DPP6: variants seen among roughly 807,000 people sequenced by gnomAD.
DPP6 encodes the protein A-type potassium channel modulatory protein DPP6.
DPP6 carries 69 observed loss-of-function variants against 122.6 expected under a neutral mutation model. That is an observed-to-expected ratio of 0.56 (90% confidence interval 0.46 to 0.69). DPP6 has a LOEUF of 0.69. DPP6 is among the 30% of genes least tolerant of loss of function. DPP6 has a pLI of 0.00. For missense variants in DPP6, 928 were observed against 1,116.9 expected (o/e 0.83, Z 2.41); for synonymous variants, 418 against 433.1 (o/e 0.97, Z 0.43).
intron 1 of DPP6, chr7:154,092,254 A>G (rs1804907188): frequency 6.6e-6 from 1 of 152,202 alleles, no homozygotes; most frequent in Non-Finnish European, 1.5e-5. Flanking sequence ...TTACCAATAA[A>G]AAGAGCATTT....
intron 1 of DPP6, among the ~76,000 whole-genome samples, chr7:154,206,527 C>T (rs556436690): frequency 6.6e-5 from 10 of 152,346 alleles, no homozygotes; most frequent in Admixed American, 1.3e-4. Flanking sequence ...ACTCTCCCAA[C>T]GTGTCCAAGC....
At chr7:153,791,952 A>G in the DPP6 span, among the ~76,000 whole-genome samples, 3 of 152,362 alleles carry the variant, frequency 2.0e-5, no homozygotes, top group South Asian at 6.2e-4. Flanking sequence ...TCTGTTTACC[A>G]GGAAAATTCT....
At chr7:154,160,958 C>A (rs976502427) in intron 1 of DPP6, among the ~76,000 whole-genome samples, 14 of 152,162 alleles carry the variant, frequency 9.2e-5, no homozygotes, top group African/African-American at 3.4e-4. Flanking sequence ...TAATTAAGTG[C>A]CTACAATTCC....
chr7:154,801,211 CTCA>C lies in DPP6; in HGVS notation c.1300-140_1300-138del, dbSNP rs1448048888. The C allele has an allele frequency of 2.6e-6, 3 of 1,165,078 alleles. No homozygotes were observed. In the African/African-American group the frequency reaches 4.6e-5, roughly 18 times the overall value. The allele number at this position is 1,165,078 out of a possible 1,614,324, so 72.2% of individuals were successfully genotyped here. ...CATGATTCCCGAGGAAAGTGACGGC[CTCA>C]TCAAGCACTTATTATTTCAACTGTT... On this transcript the variant is annotated intron_variant, in intron 12 of 25. Transcript: ENST00000377770.
At chr7:153,988,054 C>G (rs1796935957) in intron 1 of DPP6, among the ~76,000 whole-genome samples, 1 of 152,198 alleles carries the variant, frequency 6.6e-6, no homozygotes, top group Non-Finnish European at 1.5e-5. Context: ...AGCTGCTCAG[C>G]AACTGCTCTC....
intron 1 of DPP6, among the ~76,000 whole-genome samples, chr7:154,409,143 A>G (rs1429779404): frequency 1.3e-5 from 2 of 152,142 alleles, no homozygotes; most frequent in Admixed American, 6.5e-5. Flanking sequence ...GACCCTGCCA[A>G]TTTATATGTT....
the DPP6 span, among the ~76,000 whole-genome samples, chr7:153,765,886 A>T: frequency 6.6e-6 from 1 of 152,170 alleles, no homozygotes; most frequent in Non-Finnish European, 1.5e-5. Context: ...CCCTGTTGCA[A>T]TGCTTCTTCT....
chr7:154,625,984 G>A (rs897444157), intron 5 of DPP6, among the ~76,000 whole-genome samples: 1 of 152,146 alleles, frequency 6.6e-6, no homozygotes. Context: ...AAATACAAAG[G>A]CAGTAAAGTA....
At chr7:154,476,112 A>AG in intron 3 of DPP6, among the ~76,000 whole-genome samples, 2 of 152,224 alleles carry the variant, frequency 1.3e-5, no homozygotes, top group African/African-American at 4.8e-5. Context: ...CTTGGCTGTT[A>AG]GTCTCCTGCT....
Position 154,842,738 on chromosome 7 carries a change from T to C in DPP6, c.1667-11042T>C, listed in dbSNP as rs145640985. On this transcript the variant is annotated intron_variant, in intron 16 of 25. Coordinates refer to ENST00000377770, the MANE Select transcript of DPP6 (RefSeq NM_130797.4). ...AGATATTGAACTTGAGCCAAAATAG[T>C]GTGTGTCACCAACCAAAGTTTTTAA... Among the ~76,000 whole-genome samples the C allele has an allele frequency of 2.6e-3, 390 of 152,364 alleles. 5 individuals are homozygous for C. Among genetic ancestry groups the C allele is most frequent in the African/African-American group, 9.1e-3 (377 of 41,590 alleles).
chr7:154,550,071 A>G (rs1674588209), intron 4 of DPP6, among the ~76,000 whole-genome samples: 1 of 152,188 alleles, frequency 6.6e-6, no homozygotes. Context: ...ACATAACTTT[A>G]AGATTGAAAA....
At chr7:154,434,227 G>A (rs1818676461) in intron 1 of DPP6, among the ~76,000 whole-genome samples, 1 of 152,208 alleles carries the variant, frequency 6.6e-6, no homozygotes, top group Non-Finnish European at 1.5e-5. Context: ...TTAAAGTGCA[G>A]ACTATGTTTC....
intron 16 of DPP6, among the ~76,000 whole-genome samples, chr7:154,851,380 T>C (rs1027070084): frequency 6.6e-6 from 1 of 152,202 alleles, no homozygotes. Flanking sequence ...ATAATAATTG[T>C]TTACATTATT....
intron 1 of DPP6, among the ~76,000 whole-genome samples, chr7:154,389,949 G>A (rs983180669): frequency 6.6e-6 from 1 of 152,192 alleles, no homozygotes; most frequent in African/African-American, 2.4e-5. Context: ...CTACAAATAT[G>A]CGGGTTTGCA....
chr7:154,138,965 C>A (rs397839728), intron 1 of DPP6, among the ~76,000 whole-genome samples: 2 of 152,248 alleles, frequency 1.3e-5, no homozygotes, highest in Non-Finnish European at 2.9e-5. Context: ...CACACAGTGG[C>A]AACCTGAATT....
At chr7:154,546,703 A>C (rs1829227072) in intron 4 of DPP6, among the ~76,000 whole-genome samples, 1 of 152,178 alleles carries the variant, frequency 6.6e-6, no homozygotes, top group Non-Finnish European at 1.5e-5. Context: ...TCTAAAAATT[A>C]ATTAATTCTG....
At chr7:154,014,631 G>A (rs546904008) in intron 1 of DPP6, among the ~76,000 whole-genome samples, 5 of 151,868 alleles carry the variant, frequency 3.3e-5, no homozygotes, top group Middle Eastern at 3.4e-3. Flanking sequence ...CACTGCACTC[G>A]AGCCTGGGTG....
At chr7:154,822,336 G>T (rs1799847325) in intron 16 of DPP6, among the ~76,000 whole-genome samples, 1 of 152,192 alleles carries the variant, frequency 6.6e-6, no homozygotes, top group Non-Finnish European at 1.5e-5. Flanking sequence ...GGTGTCTGGT[G>T]AGGGCGTGCT....
rs932709749 is a variant in DPP6, at chr7:154,431,223, G to A, written c.244-14991G>A. Reference sequence around the variant, plus strand: ...GCCACCAGGGGGAAGCGCCAAGGCCGTCTTTCAAGATGCAGTTACATCATC... The same window carrying A: ...GCCACCAGGGGGAAGCGCCAAGGCCATCTTTCAAGATGCAGTTACATCATC... On this transcript the variant is annotated intron_variant, in intron 1 of 25. Coordinates refer to ENST00000377770, the MANE Select transcript of DPP6 (RefSeq NM_130797.4). 5.3e-5 allele frequency among the ~76,000 whole-genome samples: 8 copies of A among 152,238 alleles called. No homozygotes were observed. The South Asian group carries it at 6.2e-4, about 12-fold the overall frequency.
Sources: gnomAD v4.1 joint callset for allele counts (sites outside exome capture counted in the v4.1 genomes callset) on GRCh38, gnomAD v4.1.1 for gene constraint, MANE v1.5 for transcripts, NCBI Gene and HGNC (gene_info 2026-07-23, HGNC 2026-07-21) for gene names.